DENND2A: variants seen among roughly 807,000 people sequenced by gnomAD.
The protein encoded by DENND2A is DENN domain containing 2A.
DENND2A carries 53 observed loss-of-function variants against 105.3 expected under a neutral mutation model. That is an observed-to-expected ratio of 0.50 (90% CI 0.40 to 0.63). The LOEUF is 0.63. DENND2A is among the 30% of genes least tolerant of loss of function. DENND2A has a pLI of 0.00. For synonymous variants in DENND2A, 522 were observed against 508.4 expected (o/e 1.03, Z -0.36); for missense variants, 1,138 against 1,279.6 (o/e 0.89, Z 1.69).
intron 14 of DENND2A, among the ~76,000 whole-genome samples, chr7:140,533,783 A>G (rs1300620533): frequency 6.6e-6 from 1 of 152,194 alleles, no homozygotes; most frequent in Non-Finnish European, 1.5e-5. Flanking sequence ...TGTGGCTGCA[A>G]CAAACGTTTC....
At chr7:140,521,758 T>TGTGCCCCTGCCC in intron 18 of DENND2A, 97 bp downstream of exon 18, 1 of 1,553,668 alleles carries the variant, frequency 6.4e-7, no homozygotes, top group Non-Finnish European at 8.7e-7. Context: ...CAGTCCTGTC[T>TGTGCCCCTGCCC]GTGCCCCTGC....
At chr7:140,519,052 A>G (rs977442451) in intron 19 of DENND2A, among the ~76,000 whole-genome samples, 4 of 152,172 alleles carry the variant, frequency 2.6e-5, no homozygotes, top group African/African-American at 7.2e-5. Flanking sequence ...GTGCCCAGCA[A>G]TGCTGTGTGT....
At chr7:140,591,972 T>TC in intron 3 of DENND2A, among the ~76,000 whole-genome samples, 1 of 26,718 alleles carries the variant, frequency 3.7e-5, no homozygotes, top group Non-Finnish European at 6.1e-5. Context: ...CCCCTCCCCC[T>TC]CCCCTCTCCC....
chr7:140,554,586 A>G (rs575994388), intron 12 of DENND2A, among the ~76,000 whole-genome samples: 1 of 152,294 alleles, frequency 6.6e-6, no homozygotes, highest in South Asian at 2.1e-4. Context: ...CAGTGAGCCG[A>G]GATCGCACCA....
rs763655557 is a variant in DENND2A at position 140,546,971 on chromosome 7, C to T, written c.2038-32G>A. ...GGGTCAGAAAAGCAGCTTAGCTATT[C>T]CGAAGCCAAAGCACCAAGGTGGAGC... On this transcript the variant is annotated intron_variant, in intron 12 of 19. Transcript: ENST00000496613. The T allele has an allele frequency of 5.0e-6, 8 of 1,598,434 alleles. No homozygotes were observed. The African/African-American group carries it at 9.4e-5, about 19-fold the overall frequency.
intron 1 of DENND2A, among the ~76,000 whole-genome samples, chr7:140,620,282 T>C (rs1800235349): frequency 7.2e-6 from 1 of 139,780 alleles, no homozygotes; most frequent in South Asian, 2.2e-4. Flanking sequence ...CCTGTTGTAA[T>C]GTTAGCCAAA....
chr7:140,622,446 C>T lies in DENND2A; in HGVS notation c.-247-16640G>A, dbSNP rs552977921. Among the ~76,000 whole-genome samples, 3 of 152,090 alleles carry T rather than the reference C, an allele frequency of 2.0e-5. No individual in the cohort carries two copies. The South Asian group carries it at 6.2e-4, about 32-fold the overall frequency. ...TAATTTCAAGTTTACAGAACCGTTG[C>T]AAGAATAGTACAGAAAATTTATATA... is the stretch of plus-strand genomic sequence containing the variant. On this transcript the variant is annotated intron_variant, in intron 1 of 19. Transcript: ENST00000496613.
chr7:140,551,605 C>T (rs911570468), intron 12 of DENND2A, among the ~76,000 whole-genome samples: 4 of 152,172 alleles, frequency 2.6e-5, no homozygotes, highest in Non-Finnish European at 4.4e-5. Flanking sequence ...ACTTGCCAAG[C>T]CCAAACCCCA....
chr7:140,601,963 T>C lies in DENND2A; in HGVS notation c.435A>G (p.Pro145=). 6.2e-7 allele frequency: 1 copy of C among 1,614,200 alleles called. No homozygotes were observed. The highest frequency in any genetic ancestry group is 8.5e-7 in the Non-Finnish European group (1 of 1,180,032). ...TCTGAAAGCGTAGCTTGCCAAGTCT[T>C]GGCTCTCGGCCTCGGCCCCAGCTAG... ...VDPSWGRGRE[P]RLGKLRFQND... Residue 145 remains proline, a synonymous_variant, in exon 3 of 20, where the codon CCA becomes CCG. Coordinates refer to ENST00000496613, the MANE Select transcript of DENND2A (RefSeq NM_015689.5).
At chr7:140,588,494 A>G (rs994055618) in intron 3 of DENND2A, among the ~76,000 whole-genome samples, 3 of 152,202 alleles carry the variant, frequency 2.0e-5, no homozygotes, top group Middle Eastern at 3.2e-3. Context: ...GACTAAGGAT[A>G]TGGAACAGTC....
At chr7:140,558,855 T>C (rs550250140) in intron 10 of DENND2A, among the ~76,000 whole-genome samples, 1 of 150,324 alleles carries the variant, frequency 6.7e-6, no homozygotes, top group South Asian at 2.1e-4. Flanking sequence ...CAGGCTGGGA[T>C]GCAGTGGTGT....
intron 3 of DENND2A, among the ~76,000 whole-genome samples, chr7:140,592,379 A>T (rs113100699): frequency 0.041 from 6,024 of 146,158 alleles, 229 homozygotes; most frequent in African/African-American, 0.11. Flanking sequence ...GCTATTTTTT[A>T]AAATTTTATT....
intron 9 of DENND2A, among the ~76,000 whole-genome samples, chr7:140,566,113 G>A (rs1032325900): frequency 6.6e-6 from 1 of 152,092 alleles, no homozygotes; most frequent in Non-Finnish European, 1.5e-5. Flanking sequence ...CTCACTGCAA[G>A]CTCTGCCTCC....
chr7:140,541,717 G>A (rs1286815056), intron 14 of DENND2A, among the ~76,000 whole-genome samples: 1 of 152,190 alleles, frequency 6.6e-6, no homozygotes. Flanking sequence ...CCCAGCACCA[G>A]CTGCAAGGCT....
chr7:140,529,054 G>A (rs575078927), intron 14 of DENND2A, among the ~76,000 whole-genome samples: 116 of 152,218 alleles, frequency 7.6e-4, no homozygotes, highest in Non-Finnish European at 1.3e-3. Flanking sequence ...GCAGTGAGCC[G>A]AGATTGCGCC....
chr7:140,519,120 G>A lies in DENND2A; in HGVS notation c.2999-382C>T, dbSNP rs527816849. Reference sequence around the variant, plus strand: ...GTCCTGCAGGAGGCACAGATATGGCGCCCTTCACAGGCCCTCTGGGAGGGC... The same window carrying A: ...GTCCTGCAGGAGGCACAGATATGGCACCCTTCACAGGCCCTCTGGGAGGGC... On this transcript the variant is annotated intron_variant, in intron 19 of 19. Coordinates refer to ENST00000496613, the MANE Select transcript of DENND2A (RefSeq NM_015689.5). Among the ~76,000 whole-genome samples the A allele has an allele frequency of 2.3e-3, 354 of 152,296 alleles. 1 individual carries two copies. Among genetic ancestry groups the A allele is most frequent in the Non-Finnish European group, 3.1e-3 (210 of 68,020 alleles).
intron 1 of DENND2A, among the ~76,000 whole-genome samples, chr7:140,618,218 C>G (rs1460650317): frequency 6.6e-6 from 1 of 152,120 alleles, no homozygotes; most frequent in Non-Finnish European, 1.5e-5. Context: ...ATGAAATATG[C>G]TAATACAGGT....
intron 12 of DENND2A, 97 bp downstream of exon 12, chr7:140,555,539 A>T: frequency 2.0e-6 from 2 of 1,000,730 alleles, no homozygotes; most frequent in Admixed American, 2.3e-5. Flanking sequence ...GTAGAGAATA[A>T]GATGATAGAA....
intron 1 of DENND2A, among the ~76,000 whole-genome samples, chr7:140,611,707 A>G (rs1799903954): frequency 6.6e-6 from 1 of 152,224 alleles, no homozygotes; most frequent in African/African-American, 2.4e-5. Context: ...GAAGGAAGCC[A>G]GACACAAAAG....
Sources: allele counts gnomAD v4.1 joint callset (sites outside exome capture counted in the v4.1 genomes callset), GRCh38; gene constraint gnomAD v4.1.1; transcripts MANE v1.5; gene names NCBI Gene and HGNC (gene_info 2026-07-23, HGNC 2026-07-21).